HEG1: variants seen among roughly 807,000 people sequenced by gnomAD.
HEG1 encodes the protein protein HEG homolog 1.
HEG1 carries 56 observed loss-of-function variants against 125.6 expected under a neutral mutation model. That is an observed-to-expected ratio of 0.45 (90% CI 0.36 to 0.56). The LOEUF (loss-of-function observed/expected upper bound fraction) is 0.56. Ranked by LOEUF, HEG1 falls within the 20% of genes least tolerant of loss-of-function variation. The pLI is 0.00. For missense variants in HEG1, 1,523 were observed against 1,670.0 expected (o/e 0.91, Z 1.53); for synonymous variants, 644 against 668.5 (o/e 0.96, Z 0.57).
At chr3:125,051,478 G>A (rs992743538) in intron 1 of HEG1, among the ~76,000 whole-genome samples, 11 of 152,174 alleles carry the variant, frequency 7.2e-5, no homozygotes, top group Non-Finnish European at 1.3e-4. Flanking sequence ...AAATCCTGCC[G>A]CCTCCATTTA....
intron 3 of HEG1, among the ~76,000 whole-genome samples, chr3:125,026,543 G>A (rs142025890): frequency 6.6e-6 from 1 of 151,886 alleles, no homozygotes; most frequent in Non-Finnish European, 1.5e-5. Context: ...CATTATATCT[G>A]CTTTTTTTTT....
chr3:124,974,197 A>G (rs1936495284), intron 15 of HEG1, among the ~76,000 whole-genome samples: 1 of 152,130 alleles, frequency 6.6e-6, no homozygotes, highest in Non-Finnish European at 1.5e-5. Context: ...ACTCTTCTAC[A>G]GGACAGAGAT....
intron 15 of HEG1, among the ~76,000 whole-genome samples, chr3:124,975,278 G>A (rs1471624029): frequency 1.3e-5 from 2 of 152,108 alleles, no homozygotes. Context: ...ATTTTGGGAG[G>A]TTCCCCCCAT....
chr3:125,016,103 G>A (rs145247994), intron 5 of HEG1, among the ~76,000 whole-genome samples: 117 of 152,314 alleles, frequency 7.7e-4, no homozygotes, highest in African/African-American at 2.7e-3. Context: ...TCTGGGCAAA[G>A]AGAAAAAGGT....
intron 16 of HEG1, among the ~76,000 whole-genome samples, chr3:124,971,566 A>G (rs941228562): frequency 6.6e-6 from 1 of 151,562 alleles, no homozygotes; most frequent in Non-Finnish European, 1.5e-5. Flanking sequence ...ATCTCGGCTC[A>G]TTGCAACCCC....
intron 3 of HEG1, among the ~76,000 whole-genome samples, chr3:125,023,781 T>C (rs551536359): frequency 2.0e-4 from 30 of 152,284 alleles, no homozygotes; most frequent in Admixed American, 1.8e-3. Context: ...AGACCATCCA[T>C]CTGGGAGCAG....
In HEG1 at chr3:125,029,501, G is replaced by A. The variant is rs1434961725; in HGVS notation, c.317-13C>T. 6.9e-6 allele frequency: 11 copies of A among 1,590,398 alleles called. No homozygotes were observed. Among genetic ancestry groups the A allele is most frequent in the Non-Finnish European group, 9.4e-6 (11 of 1,173,218 alleles). On this transcript the variant is annotated splice_polypyrimidine_tract_variant and intron_variant, in intron 1 of 16. Coordinates refer to ENST00000311127, the MANE Select transcript of HEG1 (RefSeq NM_020733.2). ...TTCCAGGCAGCATCTGAAAGAAGAA[G>A]AGGATGCATCAGGGAGAGTTTGCTG...
intron 3 of HEG1, among the ~76,000 whole-genome samples, chr3:125,021,388 G>A (rs997956905): frequency 6.6e-6 from 1 of 151,984 alleles, no homozygotes; most frequent in Non-Finnish European, 1.5e-5. Context: ...AAGCTTATAC[G>A]TTGTTTGCAT....
chr3:125,015,080 C>G, intron 5 of HEG1: 1 of 1,106,712 alleles, frequency 9.0e-7, no homozygotes, highest in South Asian at 1.6e-5. Context: ...TGCCCCAAGC[C>G]TCACTTCCTG....
intron 1 of HEG1, 127 bp downstream of exon 1, chr3:125,055,448 G>T: frequency 1.8e-6 from 1 of 567,362 alleles, no homozygotes; most frequent in Non-Finnish European, 2.4e-6. Flanking sequence ...TCCCGCACAC[G>T]CCGGGCGAGG....
intron 16 of HEG1, chr3:124,971,109 C>T (rs1334976096): frequency 1.9e-6 from 1 of 513,872 alleles, no homozygotes; most frequent in Admixed American, 2.3e-5. Flanking sequence ...AGGCCAACAG[C>T]AATCCTCAAG....
chr3:125,012,490 T>C (rs1400990245), intron 6 of HEG1, 133 bp downstream of exon 6: 1 of 932,322 alleles, frequency 1.1e-6, no homozygotes, highest in Non-Finnish European at 1.6e-6. Context: ...TAGGAAGCAT[T>C]TTAGGTCGCA....
At chr3:124,985,735 G>T (rs1008368247) in intron 14 of HEG1, among the ~76,000 whole-genome samples, 1 of 152,216 alleles carries the variant, frequency 6.6e-6, no homozygotes, top group African/African-American at 2.4e-5. Flanking sequence ...GCTCCAGCAG[G>T]GGGTGAAGAT....
intron 1 of HEG1, among the ~76,000 whole-genome samples, chr3:125,049,837 T>G (rs747299452): frequency 1.1e-4 from 17 of 152,222 alleles, no homozygotes; most frequent in Non-Finnish European, 1.8e-4. Flanking sequence ...GTGGTTCATC[T>G]ATGAGGCCCC....
At position 125,013,989 on chromosome 3, in the gene HEG1, G is replaced by A. The variant is rs202024429; in HGVS notation, c.1590C>T (p.Ile530=). 281 of 1,592,100 alleles carry A rather than the reference G, an allele frequency of 1.8e-4. No homozygotes were observed. Among genetic ancestry groups the A allele is most frequent in the Admixed American group, 3.0e-4 (17 of 56,116 alleles). ...GCACTTGACCGTAGCTAATCCCAGC[G>A]ACTGTAAACGGAAAAGCCAAAGTTA... ...NSSAPRGERS[I]AGISYGQVRG... Residue 530 remains isoleucine, a splice_region_variant and synonymous_variant, in exon 6 of 17, where the codon ATC becomes ATT. Coordinates refer to ENST00000311127, the MANE Select transcript of HEG1 (RefSeq NM_020733.2).
intron 8 of HEG1, among the ~76,000 whole-genome samples, chr3:125,006,965 C>T (rs775400763): frequency 1.3e-5 from 2 of 151,850 alleles, no homozygotes; most frequent in African/African-American, 2.4e-5. Context: ...TTTGGGAGGC[C>T]GAGGCGGGCG....
At position 124,969,002 on chromosome 3, in the gene HEG1, CAGG is replaced by C. The variant is rs1936374898; in HGVS notation, c.*1647_*1649del. 1 of 152,200 alleles carries C rather than the reference CAGG, an allele frequency of 6.6e-6. No homozygotes were observed. The highest frequency in any genetic ancestry group is 1.9e-4 in the East Asian group (1 of 5,196). 9.4% of individuals were successfully genotyped at this position (152,200 alleles called of 1,614,324 possible). A position where few individuals can be genotyped will look rare whatever the true frequency, so the allele number is the denominator to read the frequency against. On this transcript the variant is annotated 3_prime_UTR_variant, in exon 17 of 17. Transcript: ENST00000311127. The stretch of plus-strand genomic sequence containing the variant: ...GGTGAGTGGTGGAGACCATGGGACA[CAGG>C]AGTTCTTGCTTAAAACCATCAGGGC...
intron 1 of HEG1, among the ~76,000 whole-genome samples, chr3:125,038,510 T>G (rs1178579376): frequency 6.6e-6 from 1 of 152,248 alleles, no homozygotes; most frequent in Non-Finnish European, 1.5e-5. Context: ...CCACCCCTAC[T>G]GCCACTGGAG....
intron 8 of HEG1, 74 bp from the exon 9 acceptor site, chr3:125,005,442 T>C (rs1399913411): frequency 2.6e-6 from 2 of 768,210 alleles, no homozygotes; most frequent in Non-Finnish European, 4.2e-6. Flanking sequence ...TGCACATCTC[T>C]GGGGTGTCCG....
Sources: allele counts gnomAD v4.1 joint callset (sites outside exome capture counted in the v4.1 genomes callset), GRCh38; gene constraint gnomAD v4.1.1; transcripts MANE v1.5; gene names NCBI Gene and HGNC (gene_info 2026-07-23, HGNC 2026-07-21).